SKAP1: variants seen among roughly 807,000 people sequenced by gnomAD.
SKAP1 encodes src kinase associated phosphoprotein 1, also known as src kinase-associated phosphoprotein 1.
SKAP1 carries 44 observed loss-of-function variants against 58.5 expected under a neutral mutation model. That is an observed-to-expected ratio of 0.75 (90% CI 0.59 to 0.97). The LOEUF (loss-of-function observed/expected upper bound fraction) is 0.97, where lower values mean the gene tolerates loss of function less well. Among genes scored for constraint, SKAP1 ranks in the 50% least tolerant of loss-of-function variants. The pLI, the probability that SKAP1 is intolerant of heterozygous loss-of-function variation, is 0.00. For synonymous variants in SKAP1, 127 were observed against 149.7 expected (o/e 0.85, Z 1.11); for missense variants, 390 against 435.2 (o/e 0.90, Z 0.92).
intron 2 of SKAP1, among the ~76,000 whole-genome samples, chr17:48,378,236 G>A (rs2067175090): frequency 6.6e-6 from 1 of 152,134 alleles, no homozygotes; most frequent in African/African-American, 2.4e-5. Context: ...CAGTGCTGAT[G>A]AAAAAGGGAA....
At chr17:48,324,913 C>G (rs754826578) in intron 4 of SKAP1, among the ~76,000 whole-genome samples, 2 of 152,000 alleles carry the variant, frequency 1.3e-5, no homozygotes, top group Non-Finnish European at 2.9e-5. Context: ...GCCACCCAAC[C>G]ATGGTCAGCC....
chr17:48,403,763 G>C (rs2067532647), intron 1 of SKAP1, among the ~76,000 whole-genome samples: 2 of 152,126 alleles, frequency 1.3e-5, no homozygotes, highest in Non-Finnish European at 2.9e-5. Context: ...GAAAGAGGTG[G>C]TGATAAATGT....
rs145259523 is a variant in SKAP1, at chr17:48,298,610, A to T, written c.280+47295T>A. On this transcript the variant is annotated intron_variant, in intron 4 of 12. Transcript: ENST00000336915. ...TGGAGCAAAAAGCTCCCTGATGACT[A>T]CGTAATTCGCTTCAAGACACTATGT... Among the ~76,000 whole-genome samples the T allele has an allele frequency of 5.1e-4, 77 of 152,344 alleles. 1 individual carries two copies. Among genetic ancestry groups the T allele is most frequent in the African/African-American group, 1.3e-3 (56 of 41,576 alleles).
intron 4 of SKAP1, chr17:48,308,345 T>G (rs2066177020): frequency 6.6e-6 from 1 of 152,106 alleles, no homozygotes; most frequent in South Asian, 2.1e-4. Context: ...CTAGACAAGG[T>G]CAAATTTTAA....
At chr17:48,351,007 T>A (rs1277451721) in intron 3 of SKAP1, among the ~76,000 whole-genome samples, 1 of 152,162 alleles carries the variant, frequency 6.6e-6, no homozygotes, top group Non-Finnish European at 1.5e-5. Context: ...CAGATTTTCA[T>A]GGGCCAATTT....
At chr17:48,146,721 C>A (rs189190405) in intron 11 of SKAP1, among the ~76,000 whole-genome samples, 1 of 151,946 alleles carries the variant, frequency 6.6e-6, no homozygotes, top group African/African-American at 2.4e-5. Flanking sequence ...CTCTGCCTCC[C>A]GGGTTCAAGC....
chr17:48,413,293 T>C (rs761437052), intron 1 of SKAP1, among the ~76,000 whole-genome samples: 8 of 151,066 alleles, frequency 5.3e-5, no homozygotes, highest in Non-Finnish European at 7.4e-5. Context: ...GGTGGGTGGA[T>C]CTCCTGAGGT....
intron 4 of SKAP1, among the ~76,000 whole-genome samples, chr17:48,198,221 C>T (rs181989244): frequency 2.4e-3 from 372 of 151,924 alleles, no homozygotes; most frequent in Non-Finnish European, 3.8e-3. Flanking sequence ...TTTGGGAGGC[C>T]GAGACGGGCG....
At chr17:48,266,147 C>T (rs983994796) in intron 4 of SKAP1, among the ~76,000 whole-genome samples, 1 of 152,114 alleles carries the variant, frequency 6.6e-6, no homozygotes, top group Non-Finnish European at 1.5e-5. Context: ...CACACCCACA[C>T]ACACACATAC....
At chr17:48,319,151 AGTT>A (rs1197592959) in intron 4 of SKAP1, among the ~76,000 whole-genome samples, 1 of 152,180 alleles carries the variant, frequency 6.6e-6, no homozygotes, top group East Asian at 1.9e-4. Flanking sequence ...GCTGGATCTC[AGTT>A]GTTTCTAGTC....
chr17:48,190,150 A>G (rs1441269874), intron 4 of SKAP1, among the ~76,000 whole-genome samples: 3 of 147,792 alleles, frequency 2.0e-5, no homozygotes, highest in African/African-American at 7.5e-5. Flanking sequence ...TCTGTTGCCC[A>G]GGCTGGAGTG....
At chr17:48,206,991 T>C (rs1362112928) in intron 4 of SKAP1, among the ~76,000 whole-genome samples, 1 of 152,088 alleles carries the variant, frequency 6.6e-6, no homozygotes, top group African/African-American at 2.4e-5. Flanking sequence ...ATTATTTTGA[T>C]AAAAATAAAA....
chr17:48,382,902 T>C (rs2067233616), intron 2 of SKAP1, among the ~76,000 whole-genome samples: 1 of 152,204 alleles, frequency 6.6e-6, no homozygotes, highest in Non-Finnish European at 1.5e-5. Context: ...ACTGCAGGCA[T>C]GTAATAAATT....
At chr17:48,190,927 G>A (rs994414598) in intron 4 of SKAP1, among the ~76,000 whole-genome samples, 4 of 152,248 alleles carry the variant, frequency 2.6e-5, no homozygotes, top group South Asian at 4.1e-4. Flanking sequence ...GGAGGTTGCA[G>A]TGAGCCGAGA....
At chr17:48,202,279 G>A (rs1451313269) in intron 4 of SKAP1, among the ~76,000 whole-genome samples, 1 of 152,126 alleles carries the variant, frequency 6.6e-6, no homozygotes, top group African/African-American at 2.4e-5. Flanking sequence ...TGATTCTCTG[G>A]GGGTATTTCA....
chr17:48,302,156 T>C (rs933188693), intron 4 of SKAP1, among the ~76,000 whole-genome samples: 4 of 152,148 alleles, frequency 2.6e-5, no homozygotes, highest in African/African-American at 9.7e-5. Context: ...GACCCAAACA[T>C]AAACCACTTT....
chr17:48,351,130 T>C (rs2066795349), intron 3 of SKAP1, among the ~76,000 whole-genome samples: 1 of 152,224 alleles, frequency 6.6e-6, no homozygotes. Flanking sequence ...CAACTAAAGA[T>C]ATATGTTGGG....
intron 4 of SKAP1, among the ~76,000 whole-genome samples, chr17:48,342,085 C>T (rs1024783522): frequency 6.6e-6 from 1 of 152,282 alleles, no homozygotes; most frequent in East Asian, 1.9e-4. Context: ...TATATTTGGA[C>T]GCTGAAAACA....
intron 4 of SKAP1, among the ~76,000 whole-genome samples, chr17:48,216,067 A>T (rs1334199218): frequency 6.6e-6 from 1 of 152,024 alleles, no homozygotes; most frequent in Non-Finnish European, 1.5e-5. Flanking sequence ...CAACATGCCC[A>T]CCTTTGTGAA....
Sources: allele counts gnomAD v4.1 joint callset (sites outside exome capture counted in the v4.1 genomes callset), GRCh38; gene constraint gnomAD v4.1.1; transcripts MANE v1.5; gene names NCBI Gene and HGNC (gene_info 2026-07-23, HGNC 2026-07-21).